XYLT1: variants seen among roughly 807,000 people sequenced by gnomAD.
The protein encoded by XYLT1 is xylosyltransferase 1.
Under a neutral mutation model 91.3 loss-of-function variants are expected in XYLT1, and 36 were observed. The observed-to-expected ratio is 0.39, with a 90% confidence interval of 0.30 to 0.52. The LOEUF (loss-of-function observed/expected upper bound fraction) is 0.52, where lower values mean the gene tolerates loss of function less well. Among genes scored for constraint, XYLT1 ranks in the 20% least tolerant of loss-of-function variants. XYLT1 has a pLI of 0.68. For missense variants in XYLT1, 1,242 were observed against 1,284.5 expected (o/e 0.97, Z 0.51); for synonymous variants, 588 against 532.0 (o/e 1.11, Z -1.45).
chr16:17,470,368 G>A (rs2036968782), intron 1 of XYLT1, 66 bp downstream of exon 1: 2 of 1,208,772 alleles, frequency 1.7e-6, no homozygotes, highest in Non-Finnish European at 2.1e-6. Context: ...AGGGCTAGGG[G>A]GGCGTGGGGT....
chr16:17,326,279 G>C (rs188689645), intron 2 of XYLT1, among the ~76,000 whole-genome samples: 1 of 152,250 alleles, frequency 6.6e-6, no homozygotes, highest in African/African-American at 2.4e-5. Flanking sequence ...TTGCAGAACT[G>C]AAACTTTATA....
chr16:17,160,051 C>A (rs887882756), intron 5 of XYLT1, among the ~76,000 whole-genome samples: 1 of 152,204 alleles, frequency 6.6e-6, no homozygotes, highest in African/African-American at 2.4e-5. Context: ...ATAATAGAAG[C>A]TAGACCTTCG....
chr16:17,327,312 G>T (rs1283623329), intron 2 of XYLT1, among the ~76,000 whole-genome samples: 1 of 151,586 alleles, frequency 6.6e-6, no homozygotes, highest in African/African-American at 2.4e-5. Flanking sequence ...AGCCATACTC[G>T]GGTTGAATGA....
chr16:17,326,332 T>C (rs1030367724), intron 2 of XYLT1, among the ~76,000 whole-genome samples: 1 of 152,190 alleles, frequency 6.6e-6, no homozygotes, highest in Admixed American at 6.5e-5. Flanking sequence ...CCCCATCCCG[T>C]GGTAACCATT....
At chr16:17,322,209 C>T (rs2034734445) in intron 2 of XYLT1, among the ~76,000 whole-genome samples, 2 of 152,108 alleles carry the variant, frequency 1.3e-5, no homozygotes, top group Admixed American at 1.3e-4. Context: ...AAGACTTGTA[C>T]ATGACAGATT....
chr16:17,259,606 T>C, intron 2 of XYLT1, 108 bp from the exon 3 acceptor site: 1 of 1,318,962 alleles, frequency 7.6e-7, no homozygotes, highest in Non-Finnish European at 1.0e-6. Flanking sequence ...GGGGCCATAG[T>C]TTCACATCCT....
rs1353863408 is a variant in XYLT1, at chr16:17,117,713, C to T, written c.2490G>A (p.Val830=). ...VWTVKILHHW[V]PVAETKFLVA... ...CGAGGAATTTGGTCTCTGCAACTGGCACCCAGTGGTGGAGAATTTTCACTG... is the reference window on the plus strand; with the variant it reads ...CGAGGAATTTGGTCTCTGCAACTGGTACCCAGTGGTGGAGAATTTTCACTG... Residue 830 remains valine (V), a synonymous_variant, in exon 11 of 12, where the codon GTG becomes GTA. Transcript: ENST00000261381. 1.9e-6 allele frequency: 3 copies of T among 1,614,188 alleles called. No homozygotes were observed. Among genetic ancestry groups the T allele is most frequent in the African/African-American group, 1.3e-5 (1 of 75,040 alleles).
intron 2 of XYLT1, among the ~76,000 whole-genome samples, chr16:17,260,574 C>T (rs529710259): frequency 1.3e-5 from 2 of 152,200 alleles, no homozygotes; most frequent in South Asian, 2.1e-4. Flanking sequence ...AAAAAGGTGT[C>T]GGGGCCTGAA....
At chr16:17,194,064 T>C (rs2032375716) in intron 5 of XYLT1, 1 of 152,132 alleles carries the variant, frequency 6.6e-6, no homozygotes, top group African/African-American at 2.4e-5. Flanking sequence ...CCAAAATAGG[T>C]TGCACGCATG....
chr16:17,168,200 G>A (rs1403378082), intron 5 of XYLT1, among the ~76,000 whole-genome samples: 8 of 152,200 alleles, frequency 5.3e-5, no homozygotes, highest in South Asian at 4.1e-4. Context: ...ATAGGTGCCC[G>A]TTAATGGTGA....
chr16:17,427,894 A>G (rs558030571), intron 1 of XYLT1, among the ~76,000 whole-genome samples: 1 of 152,184 alleles, frequency 6.6e-6, no homozygotes, highest in South Asian at 2.1e-4. Flanking sequence ...TCTGGGAAAC[A>G]ATTGTTTAGA....
chr16:17,205,756 T>TC (rs1323976513), intron 3 of XYLT1, among the ~76,000 whole-genome samples: 2 of 152,100 alleles, frequency 1.3e-5, no homozygotes, highest in East Asian at 1.9e-4. Flanking sequence ...AACCGGAATT[T>TC]CCCTCTGCAG....
At position 17,259,255 on chromosome 16, in the gene XYLT1, C is replaced by A. The variant is rs1354198600; in HGVS notation, c.646G>T (p.Val216Leu). The A allele has an allele frequency of 6.2e-7, 1 of 1,614,062 alleles. No individual in the cohort carries two copies. Among genetic ancestry groups the A allele is most frequent in the Admixed American group, 1.7e-5 (1 of 60,006 alleles). ...HTFPGKGPGE[V>L]LPPGDRAAAN... is the part of the protein sequence containing the mutation. ...GCGGCTCTGTCCCCGGGAGGCAGCA[C>A]CTCACCGGGGCCTTTCCCAGGGAAT... Residue 216 changes from valine (V) to leucine (L), a missense_variant, in exon 3 of 12, where the codon GTG becomes TTG. Coordinates refer to ENST00000261381, the MANE Select transcript of XYLT1 (RefSeq NM_022166.4).
chr16:17,366,797 G>C (rs556020763), intron 1 of XYLT1, among the ~76,000 whole-genome samples: 111 of 152,158 alleles, frequency 7.3e-4, no homozygotes, highest in Non-Finnish European at 1.4e-3. Context: ...CAAAGGAGAA[G>C]TAATTTTTTC....
At chr16:17,385,376 C>T (rs2035736375) in intron 1 of XYLT1, among the ~76,000 whole-genome samples, 1 of 151,602 alleles carries the variant, frequency 6.6e-6, no homozygotes, top group Non-Finnish European at 1.5e-5. Context: ...TATTTGTTCT[C>T]TTGTGTGCTC....
Position 17,108,459 on chromosome 16 carries a change from G to A in XYLT1, c.*236C>T, listed in dbSNP as rs1474728688. On this transcript the variant is annotated 3_prime_UTR_variant, in exon 12 of 12. Transcript: ENST00000261381. Reference sequence around the variant, plus strand: ...TGTAGGACTTGAGGATCAACCAGAAGAGGTGAGACAGTCACAGTGCAGGGA... The same window carrying A: ...TGTAGGACTTGAGGATCAACCAGAAAAGGTGAGACAGTCACAGTGCAGGGA... The A allele has an allele frequency of 2.3e-6, 1 of 432,348 alleles. No homozygotes were observed. Among genetic ancestry groups the A allele is most frequent in the Non-Finnish European group, 4.1e-6 (1 of 245,906 alleles). 26.8% of individuals were successfully genotyped at this position (432,348 alleles called of 1,614,324 possible). A position where few individuals can be genotyped will look rare whatever the true frequency, so the allele number is the denominator to read the frequency against.
At position 17,470,518 on chromosome 16, in the gene XYLT1, G is replaced by C; in HGVS notation, c.279C>G (p.Pro93=). ...GGGGGGGGRG[P]QARARGGGPG... ...GGCCGCCTCCCCGCGCCCGCGCCTGGGGCCCCCGTCCTCCTCCTCCTCCGC... is the reference window on the plus strand; with the variant it reads ...GGCCGCCTCCCCGCGCCCGCGCCTGCGGCCCCCGTCCTCCTCCTCCTCCGC... Residue 93 remains proline, a synonymous_variant, in exon 1 of 12, where the codon CCC becomes CCG. Transcript: ENST00000261381. 4.9e-6 allele frequency: 6 copies of C among 1,228,094 alleles called. No individual in the cohort carries two copies. The highest frequency in any genetic ancestry group is 6.1e-6 in the Non-Finnish European group (6 of 986,350). The allele number at this position is 1,228,094 out of a possible 1,614,324, so 76.1% of individuals were successfully genotyped here.
chr16:17,215,057 A>G (rs1234792016), intron 3 of XYLT1, among the ~76,000 whole-genome samples: 3 of 152,178 alleles, frequency 2.0e-5, no homozygotes, highest in Non-Finnish European at 2.9e-5. Context: ...GGAGGTGATT[A>G]AAGTTAAATG....
chr16:17,412,010 G>A (rs1308334207), intron 1 of XYLT1, among the ~76,000 whole-genome samples: 4 of 152,178 alleles, frequency 2.6e-5, no homozygotes, highest in African/African-American at 9.6e-5. Flanking sequence ...TAAACTTCTT[G>A]GTGGGGCAAG....
Sources: allele counts gnomAD v4.1 joint callset (sites outside exome capture counted in the v4.1 genomes callset), GRCh38; gene constraint gnomAD v4.1.1; transcripts MANE v1.5; gene names NCBI Gene and HGNC (gene_info 2026-07-23, HGNC 2026-07-21).